The following KPNA3 variants were observed in gnomAD, a reference collection of about 807,000 sequenced individuals.
KPNA3 encodes importin subunit alpha-4.
KPNA3 carries 13 observed loss-of-function variants against 73.8 expected under a neutral mutation model. The observed-to-expected ratio is 0.18, with a 90% CI of 0.11 to 0.28. The LOEUF (loss-of-function observed/expected upper bound fraction) is 0.28, where lower values mean the gene tolerates loss of function less well. Ranked by LOEUF, KPNA3 falls within the 10% of genes least tolerant of loss-of-function variation. The pLI is 1.00. For missense variants in KPNA3, 360 were observed against 618.1 expected, an observed-to-expected ratio of 0.58 and a Z score of 4.43; for synonymous variants, 186 against 206.9, an observed-to-expected ratio of 0.90 and a Z score of 0.87.
At chr13:49,707,279 T>TA in intron 12 of KPNA3, among the ~76,000 whole-genome samples, 1 of 152,206 alleles carries the variant, frequency 6.6e-6, no homozygotes, top group Non-Finnish European at 1.5e-5. Context: ...ATCACATGTG[T>TA]ATCTTCCTCT....
At chr13:49,737,997 C>A (rs562777904) in intron 2 of KPNA3, among the ~76,000 whole-genome samples, 1 of 152,092 alleles carries the variant, frequency 6.6e-6, no homozygotes, top group Non-Finnish European at 1.5e-5. Flanking sequence ...GTCTCCAGAT[C>A]CAGAAAATTC....
rs1012230811 is a variant in KPNA3, at chr13:49,776,654, T to C, written c.69+15784A>G. On this transcript the variant is annotated intron_variant, in intron 1 of 16. Coordinates refer to ENST00000261667, the MANE Select transcript of KPNA3 (RefSeq NM_002267.4). The stretch of plus-strand genomic sequence containing the variant: ...AAAATAACTATAAGTGAATACTTAA[T>C]ATGAATTAGTACACAAATTAAGTTA... Among the ~76,000 whole-genome samples, 4 of 152,212 alleles carry C rather than the reference T, an allele frequency of 2.6e-5. No homozygotes were observed. The East Asian group carries it at 7.7e-4, about 29-fold the overall frequency.
intron 2 of KPNA3, among the ~76,000 whole-genome samples, chr13:49,745,207 A>C (rs1018105528): frequency 6.6e-6 from 1 of 152,220 alleles, no homozygotes; most frequent in Non-Finnish European, 1.5e-5. Context: ...AGATTTGAAG[A>C]GCTACCTAGC....
Position 49,721,936 on chromosome 13 carries a change from T to G in KPNA3, c.726+19A>C, listed in dbSNP as rs764582317. ...CATAGGGAAAATATACCATCTGGCC[T>G]TTACAATTCTTCATTTACCTCCTGA... On this transcript the variant is annotated intron_variant, in intron 9 of 16. Transcript: ENST00000261667. The G allele has an allele frequency of 1.3e-6, 2 of 1,496,106 alleles. No individual in the cohort carries two copies. Among genetic ancestry groups the G allele is most frequent in the South Asian group, 2.8e-5 (2 of 70,974 alleles). 92.7% of individuals were successfully genotyped at this position (1,496,106 alleles called of 1,614,324 possible). A position where few individuals can be genotyped will look rare whatever the true frequency, so the allele number is the denominator to read the frequency against.
At chr13:49,748,039 AG>A (rs1446447365) in intron 1 of KPNA3, among the ~76,000 whole-genome samples, 2 of 152,206 alleles carry the variant, frequency 1.3e-5, no homozygotes, top group Admixed American at 6.5e-5. Flanking sequence ...TAAATTCCAA[AG>A]GAAGAATTTT....
chr13:49,761,730 C>T lies in KPNA3; in HGVS notation c.70-14737G>A, dbSNP rs1162662121. Among the ~76,000 whole-genome samples the T allele has an allele frequency of 7.1e-4, 86 of 120,462 alleles. 1 individual carries two copies. The highest frequency in any genetic ancestry group is 2.9e-3 in the South Asian group (11 of 3,810). 79.0% of individuals were successfully genotyped at this position (120,462 alleles called of 152,430 possible). On this transcript the variant is annotated intron_variant, in intron 1 of 16. Transcript: ENST00000261667. ...CTGGGATGTGAGGAGCCCCTCTGCC[C>T]GGCTGCCCAGTCTGGGAAGTGAGGA... is the stretch of plus-strand genomic sequence containing the variant.
At chr13:49,738,142 G>GT in intron 2 of KPNA3, among the ~76,000 whole-genome samples, 1 of 152,208 alleles carries the variant, frequency 6.6e-6, no homozygotes, top group South Asian at 2.1e-4. Context: ...CATTGAATTG[G>GT]TTTTGTAACT....
intron 6 of KPNA3, among the ~76,000 whole-genome samples, chr13:49,727,650 A>G (rs1954422624): frequency 1.3e-5 from 2 of 152,082 alleles, no homozygotes; most frequent in African/African-American, 4.8e-5. Context: ...TTATGAAAAA[A>G]ACTCCATGGA....
intron 10 of KPNA3, among the ~76,000 whole-genome samples, chr13:49,718,752 G>A (rs1056319633): frequency 2.0e-5 from 3 of 152,078 alleles, no homozygotes; most frequent in Non-Finnish European, 4.4e-5. Context: ...TGTCAAACAC[G>A]AAGTGACTTT....
At chr13:49,738,562 C>G (rs1954545336) in intron 2 of KPNA3, among the ~76,000 whole-genome samples, 1 of 152,120 alleles carries the variant, frequency 6.6e-6, no homozygotes, top group South Asian at 2.1e-4. Context: ...CTGTATAAAT[C>G]CTGTACATGT....
At chr13:49,769,571 T>C (rs1954836759) in intron 1 of KPNA3, among the ~76,000 whole-genome samples, 1 of 152,258 alleles carries the variant, frequency 6.6e-6, no homozygotes, top group Admixed American at 6.5e-5. Context: ...TCACTTAGCA[T>C]GTTTTTGAGA....
chr13:49,701,861 T>C lies in KPNA3; in HGVS notation c.1505A>G (p.Gln502Arg), dbSNP rs1954151197. ...EDPCLIPEAT[Q>R]GGTYNFDPTA... ...TGGATCAAAATTGTAGGTACCTCCT[T>C]GTGTTGCTTCAGGAATGAGGCAGGG... is the stretch of plus-strand genomic sequence containing the variant. Residue 502 changes from glutamine to arginine, a missense_variant, in exon 17 of 17, where the codon CAA becomes CGA. By Grantham distance (43) the Gln-to-Arg change is conservative (BLOSUM62 1). This residue lies in a region of KPNA3 where 38 missense variants were observed against 39.0 expected (regional missense o/e 0.98). Coordinates refer to ENST00000261667, the MANE Select transcript of KPNA3 (RefSeq NM_002267.4). 1 of 1,613,606 alleles carries C rather than the reference T, an allele frequency of 6.2e-7. No homozygotes were observed. Among genetic ancestry groups the C allele is most frequent in the African/African-American group, 1.3e-5 (1 of 75,040 alleles).
intron 1 of KPNA3, among the ~76,000 whole-genome samples, chr13:49,753,916 T>C (rs939581881): frequency 2.0e-5 from 3 of 152,188 alleles, no homozygotes; most frequent in South Asian, 2.1e-4. Context: ...ACCACTGTTA[T>C]AAGGGAAAAA....
At chr13:49,787,095 T>C (rs976215216) in intron 1 of KPNA3, among the ~76,000 whole-genome samples, 4 of 152,202 alleles carry the variant, frequency 2.6e-5, no homozygotes, top group African/African-American at 9.7e-5. Flanking sequence ...TAGTGCCACT[T>C]AGCACTGGAG....
intron 1 of KPNA3, among the ~76,000 whole-genome samples, chr13:49,766,928 C>T (rs1266992983): frequency 2.7e-5 from 4 of 145,526 alleles, no homozygotes; most frequent in African/African-American, 7.5e-5. Context: ...AGATTTTTCA[C>T]TTTACAAATA....
At chr13:49,714,992 TATC>T (rs2137538639) in intron 10 of KPNA3, among the ~76,000 whole-genome samples, 1 of 152,078 alleles carries the variant, frequency 6.6e-6, no homozygotes, top group South Asian at 2.1e-4. Context: ...TTTTTAAAAA[TATC>T]ATTAATATAA....
chr13:49,729,396 A>T (rs1296246115), intron 6 of KPNA3, among the ~76,000 whole-genome samples: 2 of 152,224 alleles, frequency 1.3e-5, no homozygotes, highest in Non-Finnish European at 2.9e-5. Context: ...AATGTAAAAA[A>T]TAAAATTATA....
chr13:49,728,727 T>G (rs1334014683), intron 6 of KPNA3, among the ~76,000 whole-genome samples: 1 of 152,216 alleles, frequency 6.6e-6, no homozygotes, highest in Non-Finnish European at 1.5e-5. Flanking sequence ...TGATAACACC[T>G]GCTTATTATG....
chr13:49,771,073 T>A (rs1954850932), intron 1 of KPNA3, among the ~76,000 whole-genome samples: 1 of 145,734 alleles, frequency 6.9e-6, no homozygotes. Context: ...TTATTCAGGG[T>A]CCTTTGCAAT....
Sources: gnomAD v4.1 joint callset for allele counts (sites outside exome capture counted in the v4.1 genomes callset) on GRCh38, gnomAD v4.1.1 for gene constraint, gnomAD v4.1.1 regional missense constraint, MANE v1.5 for transcripts, NCBI Gene and HGNC (gene_info 2026-07-23, HGNC 2026-07-21) for gene names.